The following DLGAP2 variants were observed in gnomAD, a reference collection of about 807,000 sequenced individuals.
The protein encoded by DLGAP2 is disks large-associated protein 2.
A neutral mutation model predicts 100.3 loss-of-function variants in DLGAP2; 26 were observed. The ratio of observed to expected loss-of-function variants is 0.26; its 90% confidence interval spans 0.19 to 0.36. The LOEUF (loss-of-function observed/expected upper bound fraction) is 0.36, where lower values mean the gene tolerates loss of function less well. DLGAP2 is among the 10% of genes least tolerant of loss of function. The probability of loss-of-function intolerance (pLI) is 1.00; values close to 1 mark genes in which losing one functional copy is unlikely to be tolerated. For synonymous variants in DLGAP2, 886 were observed against 630.1 expected, an observed-to-expected ratio of 1.41 and a Z score of -6.08; for missense variants, 1,858 against 1,453.2, an observed-to-expected ratio of 1.28 and a Z score of -4.53.
chr8:975,037 G>A (rs142362880), intron 2 of DLGAP2, among the ~76,000 whole-genome samples: 231 of 152,166 alleles, frequency 1.5e-3, no homozygotes, highest in African/African-American at 4.9e-3. Flanking sequence ...CCAAATTACC[G>A]AAATCAGAAA....
intron 2 of DLGAP2, among the ~76,000 whole-genome samples, chr8:1,040,987 C>T (rs1051643328): frequency 3.3e-5 from 5 of 152,140 alleles, no homozygotes; most frequent in African/African-American, 1.2e-4. Context: ...AAACAACATA[C>T]ATAGGACATA....
At chr8:1,173,343 C>G (rs932160876) in intron 2 of DLGAP2, among the ~76,000 whole-genome samples, 1 of 152,208 alleles carries the variant, frequency 6.6e-6, no homozygotes, top group Non-Finnish European at 1.5e-5. Context: ...CAGAGACCCA[C>G]TTGAGGAGGC....
At chr8:1,459,768 C>T (rs1484306452) in intron 3 of DLGAP2, among the ~76,000 whole-genome samples, 2 of 146,724 alleles carry the variant, frequency 1.4e-5, no homozygotes, top group Admixed American at 7.0e-5. Flanking sequence ...TCACTGCAAC[C>T]TCTGCCTCCC....
At chr8:1,697,711 A>G (rs968005181) in intron 14 of DLGAP2, among the ~76,000 whole-genome samples, 1 of 152,236 alleles carries the variant, frequency 6.6e-6, no homozygotes, top group African/African-American at 2.4e-5. Context: ...AGGCCTGGTT[A>G]TGGACTATCT....
intron 2 of DLGAP2, among the ~76,000 whole-genome samples, chr8:1,216,664 A>G (rs1798220246): frequency 6.6e-6 from 1 of 151,952 alleles, no homozygotes; most frequent in African/African-American, 2.4e-5. Context: ...GCCAATAAGT[A>G]TTTATCTAGT....
At chr8:1,072,347 A>G (rs1803460022) in intron 2 of DLGAP2, among the ~76,000 whole-genome samples, 1 of 152,186 alleles carries the variant, frequency 6.6e-6, no homozygotes, top group Non-Finnish European at 1.5e-5. Context: ...CTTCATCCAT[A>G]TAATTCATAA....
chr8:1,337,840 T>C (rs12546588), intron 3 of DLGAP2, among the ~76,000 whole-genome samples: 66,452 of 152,148 alleles, frequency 0.44, 17,681 homozygotes, highest in African/African-American at 0.75. Context: ...ATTCTTCCAA[T>C]TCAGTGAAAA....
chr8:1,553,378 T>G (rs1223743161), intron 5 of DLGAP2, among the ~76,000 whole-genome samples: 1 of 152,214 alleles, frequency 6.6e-6, no homozygotes, highest in East Asian at 1.9e-4. Flanking sequence ...GACTCCCAGT[T>G]TTATTCGGCA....
chr8:1,392,500 C>T (rs1336898546), intron 3 of DLGAP2, among the ~76,000 whole-genome samples: 1 of 152,240 alleles, frequency 6.6e-6, no homozygotes, highest in Non-Finnish European at 1.5e-5. Context: ...CATTGTCCTG[C>T]TGTGCCTCAT....
intron 5 of DLGAP2, among the ~76,000 whole-genome samples, chr8:1,555,739 C>T (rs187000607): frequency 1.9e-3 from 290 of 152,330 alleles, no homozygotes; most frequent in Non-Finnish European, 3.8e-3. Context: ...TGGGCTGTGT[C>T]ACATCTCAGT....
intron 3 of DLGAP2, among the ~76,000 whole-genome samples, chr8:1,303,744 C>T (rs747182034): frequency 6.6e-6 from 1 of 152,074 alleles, no homozygotes; most frequent in Admixed American, 6.5e-5. Flanking sequence ...CTCCTCTGGT[C>T]TCTGGGGTTT....
At chr8:846,143 A>G (rs759435657) in intron 1 of DLGAP2, among the ~76,000 whole-genome samples, 2 of 152,242 alleles carry the variant, frequency 1.3e-5, no homozygotes, top group Non-Finnish European at 2.9e-5. Flanking sequence ...TGATGAGTAC[A>G]TTCAAAAACC....
chr8:1,056,896 T>C (rs1364725821), intron 2 of DLGAP2, among the ~76,000 whole-genome samples: 2 of 152,196 alleles, frequency 1.3e-5, no homozygotes, highest in Admixed American at 1.3e-4. Flanking sequence ...TCCCCCTTAA[T>C]CCTCTACCTG....
intron 3 of DLGAP2, among the ~76,000 whole-genome samples, chr8:1,447,628 T>C (rs551729056): frequency 2.0e-4 from 31 of 152,260 alleles, no homozygotes; most frequent in Non-Finnish European, 4.0e-4. Context: ...ATTCCATCTT[T>C]TTCTATTGAT....
At chr8:1,325,485 G>C (rs1011481581) in intron 3 of DLGAP2, among the ~76,000 whole-genome samples, 5 of 152,220 alleles carry the variant, frequency 3.3e-5, no homozygotes, top group African/African-American at 1.2e-4. Context: ...TTCAAGATTT[G>C]GGGTGCTCGG....
intron 2 of DLGAP2, among the ~76,000 whole-genome samples, chr8:1,001,127 T>A (rs1256320433): frequency 6.6e-6 from 1 of 152,214 alleles, no homozygotes. Flanking sequence ...TATAAAACAT[T>A]TATTCATGAG....
At chr8:980,361 T>C (rs1386787993) in intron 2 of DLGAP2, among the ~76,000 whole-genome samples, 1 of 152,188 alleles carries the variant, frequency 6.6e-6, no homozygotes. Flanking sequence ...GGGTCCAGAT[T>C]GCAAAAGCTC....
At chr8:970,656 G>C (rs1297252609) in intron 2 of DLGAP2, among the ~76,000 whole-genome samples, 1 of 152,098 alleles carries the variant, frequency 6.6e-6, no homozygotes, top group Non-Finnish European at 1.5e-5. Context: ...CTGAGAAATG[G>C]GAACATGTGT....
chr8:922,706 T>G (rs577131289), intron 2 of DLGAP2, among the ~76,000 whole-genome samples: 56 of 152,338 alleles, frequency 3.7e-4, no homozygotes, highest in Non-Finnish European at 7.5e-4. Context: ...AAGTGTCAGA[T>G]AAAGACAGTG....
Sources: gnomAD v4.1 joint callset for allele counts (sites outside exome capture counted in the v4.1 genomes callset) on GRCh38, gnomAD v4.1.1 for gene constraint, MANE v1.5 for transcripts, NCBI Gene and HGNC (gene_info 2026-07-23, HGNC 2026-07-21) for gene names.